NEURL4: variants seen among roughly 807,000 people sequenced by gnomAD.
NEURL4 encodes the protein neuralized E3 ubiquitin protein ligase 4.
NEURL4 carries 45 observed loss-of-function variants against 148.0 expected under a neutral mutation model. The ratio of observed to expected loss-of-function variants is 0.30; its 90% CI spans 0.24 to 0.39. The LOEUF (loss-of-function observed/expected upper bound fraction) is 0.39. Ranked by LOEUF, NEURL4 falls within the 10% of genes least tolerant of loss-of-function variation. The pLI, the probability that NEURL4 is intolerant of heterozygous loss-of-function variation, is 1.00. For missense variants in NEURL4, 1,776 were observed against 2,144.0 expected, an observed-to-expected ratio of 0.83 and a Z score of 3.39; for synonymous variants, 854 against 869.0, an observed-to-expected ratio of 0.98 and a Z score of 0.30.
rs752002143 is a variant in NEURL4, at chr17:7,327,572, A to T, written c.595T>A (p.Cys199Ser). The T allele has an allele frequency of 6.2e-7, 1 of 1,611,368 alleles. No individual in the cohort carries two copies. The highest frequency in any genetic ancestry group is 8.5e-7 in the Non-Finnish European group (1 of 1,179,694). ...GGGGGTAGCACGGTGATCTGGGTGC[A>T]CTTGCCATAAAGGTCCACGACGGCC... Reference protein sequence around the residue: ...VWAVVDLYGKCTQITVLPPEP... With the variant: ...VWAVVDLYGKSTQITVLPPEP... The change falls in exon 2 of 29, where the codon TGC becomes AGC. Residue 199 changes from cysteine (C) to serine (S), a missense_variant. Physicochemically the swap from Cys to Ser is moderately radical, Grantham distance 112. Transcript: ENST00000399464. This position sits in a 1 kb window ranked among gnomAD's most constrained non-coding sequence, Gnocchi z 6.6.
chr17:7,325,724 A>G lies in NEURL4; in HGVS notation c.1294-11T>C. 6.2e-7 allele frequency: 1 copy of G among 1,612,418 alleles called. No individual in the cohort carries two copies. The highest frequency in any genetic ancestry group is 8.5e-7 in the Non-Finnish European group (1 of 1,178,710). On this transcript the variant is annotated splice_polypyrimidine_tract_variant and intron_variant, in intron 6 of 28. Transcript: ENST00000399464. ...AATGTGGTCACCCTCCTAATCAAAG[A>G]AGACAAACAGTTTAGAGGAGTCCTG...
At position 7,324,800 on chromosome 17, in the gene NEURL4, A is replaced by T; in HGVS notation, c.1812T>A (p.Ser604=). 1 of 1,614,140 alleles carries T rather than the reference A, an allele frequency of 6.2e-7. No individual in the cohort carries two copies. Among genetic ancestry groups the T allele is most frequent in the African/African-American group, 1.3e-5 (1 of 75,046 alleles). ...TCCCTGCCCTTCCTGGGAGCTCACC[A>T]GAGCGCAAGTTGGTCATGGTGGAGG... ...QLPSTMTNLR[S]GTWMMTGNGV... The change falls in exon 9 of 29, where the codon TCT becomes TCA. Residue 604 remains serine (S), a splice_region_variant and synonymous_variant. Coordinates refer to ENST00000399464, the MANE Select transcript of NEURL4 (RefSeq NM_032442.3). The surrounding 1 kb of genome is among the most constrained non-coding windows in gnomAD (Gnocchi z 5.9).
rs577406842 is a variant in NEURL4 at position 7,316,028 on chromosome 17, A to G, written c.*95T>C. ...GGCTGCCAAGCTCCAGCACCTGCGC[A>G]TGCCACGAGTCACGGGAATGAGGTG... On this transcript the variant is annotated 3_prime_UTR_variant, in exon 29 of 29. Coordinates refer to ENST00000399464, the MANE Select transcript of NEURL4 (RefSeq NM_032442.3). 133 of 770,616 alleles carry G rather than the reference A, an allele frequency of 1.7e-4. No homozygotes were observed. The African/African-American group carries it at 1.9e-3, about 11-fold the overall frequency. 47.7% of individuals were successfully genotyped at this position (770,616 alleles called of 1,614,324 possible). A position where few individuals can be genotyped will look rare whatever the true frequency, so the allele number is the denominator to read the frequency against.
At position 7,324,505 on chromosome 17, in the gene NEURL4, G is replaced by T; in HGVS notation, c.1814-25C>A. The T allele has an allele frequency of 6.2e-7, 1 of 1,600,150 alleles. No homozygotes were observed. The highest frequency in any genetic ancestry group is 8.6e-7 in the Non-Finnish European group (1 of 1,167,328). On this transcript the variant is annotated intron_variant, in intron 9 of 28. Coordinates refer to ENST00000399464, the MANE Select transcript of NEURL4 (RefSeq NM_032442.3). The surrounding 1 kb of genome is among the most constrained non-coding windows in gnomAD (Gnocchi z 5.9). ...CCTGGGAGGACAAGGAGCAGGAGGG[G>T]ACATGAGGGGAAATGCAGGGCTCCT...
At position 7,318,926 on chromosome 17, in the gene NEURL4, C is replaced by A. The variant is rs1334859819; in HGVS notation, c.3684+124G>T. 4 of 1,144,810 alleles carry A rather than the reference C, an allele frequency of 3.5e-6. No homozygotes were observed. The Admixed American group carries it at 1.1e-4, about 31-fold the overall frequency. 70.9% of individuals were successfully genotyped at this position (1,144,810 alleles called of 1,614,324 possible). On this transcript the variant is annotated intron_variant, in intron 22 of 28. Transcript: ENST00000399464. This position sits in a 1 kb window ranked among gnomAD's most constrained non-coding sequence, Gnocchi z 4.3. ...GCAATGCTACTCGCCCTTGCCTGCC[C>A]ATTACTGTTCCCCTTTTACACCTGT... is the stretch of plus-strand genomic sequence containing the variant.
Position 7,318,212 on chromosome 17 carries a change from A to C in NEURL4, c.3953-40T>G, listed in dbSNP as rs1211454059. ...GGGCACAGGTCACAGGAGCTGGGCT[A>C]GAAGGGTGAGGGTGGGGGAGTAGGG... On this transcript the variant is annotated intron_variant, in intron 24 of 28. Coordinates refer to ENST00000399464, the MANE Select transcript of NEURL4 (RefSeq NM_032442.3). The surrounding 1 kb of genome is among the most constrained non-coding windows in gnomAD (Gnocchi z 4.3). 2 of 1,611,420 alleles carry C rather than the reference A, an allele frequency of 1.2e-6. No homozygotes were observed. Among genetic ancestry groups the C allele is most frequent in the East Asian group, 4.5e-5 (2 of 44,890 alleles).
chr17:7,323,398 A>C, intron 14 of NEURL4, 87 bp downstream of exon 14: 1 of 1,394,140 alleles, frequency 7.2e-7, no homozygotes, highest in East Asian at 2.3e-5. Flanking sequence ...GTCACTACCC[A>C]CAGCCACCAT....
rs1298991062 is a variant in NEURL4 at position 7,317,440 on chromosome 17, C to A, written c.4318+21G>T. ...AGCCCCCCAGGCTCAGCCCACCTTG[C>A]ATGGGCCTACTCGCCAGTACCTGCT... On this transcript the variant is annotated intron_variant, in intron 27 of 28. Coordinates refer to ENST00000399464, the MANE Select transcript of NEURL4 (RefSeq NM_032442.3). 3 of 1,613,258 alleles carry A rather than the reference C, an allele frequency of 1.9e-6. No homozygotes were observed. In the South Asian group the frequency reaches 3.3e-5, roughly 18 times the overall value.
At chr17:7,325,169 A>T in intron 8 of NEURL4, 40 bp downstream of exon 8, 2 of 592,574 alleles carry the variant, frequency 3.4e-6, no homozygotes, top group Non-Finnish European at 2.8e-6. Flanking sequence ...CCCCCATTAG[A>T]ATCCCTTCTT....
At position 7,319,114 on chromosome 17, in the gene NEURL4, G is replaced by A; in HGVS notation, c.3620C>T (p.Ala1207Val). The change falls in exon 22 of 29, where the codon GCC becomes GTC. Residue 1207 changes from alanine (A) to valine (V), a missense_variant. Coordinates refer to ENST00000399464, the MANE Select transcript of NEURL4 (RefSeq NM_032442.3). Reference sequence around the variant, plus strand: ...CCAGGCTGCCCGTTTGAGGGCACAGGCAGAAGCAGGGAAGTTGAGCCTCTC... The same window carrying A: ...CCAGGCTGCCCGTTTGAGGGCACAGACAGAAGCAGGGAAGTTGAGCCTCTC... ...APERLNFPAS[A>V]CALKRAAWLL... is the part of the protein sequence containing the mutation. 1.2e-6 allele frequency: 2 copies of A among 1,614,102 alleles called. No individual in the cohort carries two copies. Among genetic ancestry groups the A allele is most frequent in the Admixed American group, 3.3e-5 (2 of 60,020 alleles).
chr17:7,323,216 C>T, intron 14 of NEURL4, 93 bp from the exon 15 acceptor site: 1 of 1,374,140 alleles, frequency 7.3e-7, no homozygotes, highest in Non-Finnish European at 1.0e-6. Flanking sequence ...CCTCCAATGT[C>T]TTGGGCTGGT....
chr17:7,317,304 C>A lies in NEURL4; in HGVS notation c.4385G>T (p.Gly1462Val), dbSNP rs2072961999. Residue 1462 changes from glycine (G) to valine (V), a missense_variant, in exon 28 of 29, where the codon GGC becomes GTC. Gly to Val is a moderately radical substitution (Grantham distance 109, BLOSUM62 -3). Transcript: ENST00000399464. Reference sequence around the variant, plus strand: ...CTCCCGAGGAGGTGCACAGTTCTCGCCAGGCTCCTCGAACCCTACCCCAGG... The same window carrying A: ...CTCCCGAGGAGGTGCACAGTTCTCGACAGGCTCCTCGAACCCTACCCCAGG... ...GEPGVGFEEP[G>V]ENCAPPREEQ... 1 of 1,535,166 alleles carries A rather than the reference C, an allele frequency of 6.5e-7. No individual in the cohort carries two copies. The highest frequency in any genetic ancestry group is 1.3e-5 in the South Asian group (1 of 78,316).
In NEURL4 at chr17:7,326,381, T is replaced by G. The variant is rs778491256; in HGVS notation, c.1205-38A>C. On this transcript the variant is annotated intron_variant, in intron 5 of 28. Transcript: ENST00000399464. The surrounding 1 kb of genome is among the most constrained non-coding windows in gnomAD (Gnocchi z 6.0). ...GGACACTTGGGTTCGGGTACGGGGC[T>G]TCCTTCCCCTCAGCAACACCAGGCC... 6.2e-7 allele frequency: 1 copy of G among 1,613,634 alleles called. No homozygotes were observed. The highest frequency in any genetic ancestry group is 8.5e-7 in the Non-Finnish European group (1 of 1,179,580).
At position 7,323,991 on chromosome 17, in the gene NEURL4, G is replaced by T; in HGVS notation, c.2084C>A (p.Pro695Gln). 2 of 1,610,622 alleles carry T rather than the reference G, an allele frequency of 1.2e-6. No individual in the cohort carries two copies. Among genetic ancestry groups the T allele is most frequent in the Non-Finnish European group, 8.5e-7 (1 of 1,180,006 alleles). The change falls in exon 12 of 29, where the codon CCA becomes CAA. Residue 695 changes from proline (P) to glutamine (Q), a missense_variant. Coordinates refer to ENST00000399464, the MANE Select transcript of NEURL4 (RefSeq NM_032442.3). ...DDVEVAPVPEPLPEGNNQVSP... is the reference protein window; with the variant it reads ...DDVEVAPVPEQLPEGNNQVSP... ...CACCTGGTTGTTCCCCTCAGGGAGT[G>T]GTTCAGGAACTGGAGCCACCTCTGT... is the stretch of plus-strand genomic sequence containing the variant.
At position 7,323,271 on chromosome 17, in the gene NEURL4, G is replaced by A. The variant is rs981573953; in HGVS notation, c.2418-148C>T. The A allele has an allele frequency of 3.6e-5, 36 of 997,760 alleles. No individual in the cohort carries two copies. The African/African-American group carries it at 3.9e-4, about 11-fold the overall frequency. The allele number at this position is 997,760 out of a possible 1,614,324, so 61.8% of individuals were successfully genotyped here. On this transcript the variant is annotated intron_variant, in intron 14 of 28. Coordinates refer to ENST00000399464, the MANE Select transcript of NEURL4 (RefSeq NM_032442.3). ...GCCCAATCCTATCTCCTCTGTCCCT[G>A]GGATCCCCTTAGGAAAAAGCAAGAA...
At position 7,326,026 on chromosome 17, in the gene NEURL4, C is replaced by T. The variant is rs957068462; in HGVS notation, c.1293+229G>A. The stretch of plus-strand genomic sequence containing the variant: ...ATCAAAGAGGATAAGCTTCTTGCCC[C>T]GGTTCGCTACTACAAATGGGAAAAC... On this transcript the variant is annotated intron_variant, in intron 6 of 28. Transcript: ENST00000399464. This position sits in a 1 kb window ranked among gnomAD's most constrained non-coding sequence, Gnocchi z 6.0. Among the ~76,000 whole-genome samples, 11 of 152,156 alleles carry T rather than the reference C, an allele frequency of 7.2e-5. No individual in the cohort carries two copies. Among genetic ancestry groups the T allele is most frequent in the African/African-American group, 1.2e-4 (5 of 41,428 alleles).
chr17:7,322,956 G>C lies in NEURL4; in HGVS notation c.2585C>G (p.Pro862Arg), dbSNP rs368617813. The C allele has an allele frequency of 5.6e-6, 9 of 1,613,402 alleles. No homozygotes were observed. The Admixed American group carries it at 1.5e-4, about 27-fold the overall frequency. ...DQGAACSGLP[P>R]GKEVYAVVDL... is the part of the protein sequence containing the mutation. ...GAAAGCCACATAGTCACCTTTACCC[G>C]GAGGCAGGCCCGAGCAGGCAGCGCC... Residue 862 changes from proline (P) to arginine (R), a missense_variant, in exon 15 of 29, where the codon CCG becomes CGG. Physicochemically the swap from Pro to Arg is moderately radical, Grantham distance 103. Coordinates refer to ENST00000399464, the MANE Select transcript of NEURL4 (RefSeq NM_032442.3). This position sits in a 1 kb window ranked among gnomAD's most constrained non-coding sequence, Gnocchi z 5.5.
In NEURL4 at chr17:7,324,099, G is replaced by A. The variant is rs769326342; in HGVS notation, c.2062+9C>T. On this transcript the variant is annotated intron_variant, in intron 11 of 28. Coordinates refer to ENST00000399464, the MANE Select transcript of NEURL4 (RefSeq NM_032442.3). This position sits in a 1 kb window ranked among gnomAD's most constrained non-coding sequence, Gnocchi z 5.9. ...CTAACCCCCAGCCCCAGCCCAGCCC[G>A]GCCCTCACCCACGTCGTCCACAATG... The A allele has an allele frequency of 6.8e-6, 11 of 1,611,822 alleles. No individual in the cohort carries two copies. Among genetic ancestry groups the A allele is most frequent in the African/African-American group, 1.3e-5 (1 of 74,910 alleles).
chr17:7,324,703 G>A lies in NEURL4; in HGVS notation c.1813+96C>T. 3 of 1,373,476 alleles carry A rather than the reference G, an allele frequency of 2.2e-6. No individual in the cohort carries two copies. Among genetic ancestry groups the A allele is most frequent in the South Asian group, 1.3e-5 (1 of 79,604 alleles). The allele number at this position is 1,373,476 out of a possible 1,614,324, so 85.1% of individuals were successfully genotyped here. Reference sequence around the variant, plus strand: ...CCACTGAATGAGTGGTCACAAGAGTGACAAGTGAAAAAGGAGCTGCAGAAC... The same window carrying A: ...CCACTGAATGAGTGGTCACAAGAGTAACAAGTGAAAAAGGAGCTGCAGAAC... On this transcript the variant is annotated intron_variant, in intron 9 of 28. Coordinates refer to ENST00000399464, the MANE Select transcript of NEURL4 (RefSeq NM_032442.3). This position sits in a 1 kb window ranked among gnomAD's most constrained non-coding sequence, Gnocchi z 5.9.
Sources: allele counts gnomAD v4.1 joint callset (sites outside exome capture counted in the v4.1 genomes callset), GRCh38; gene constraint gnomAD v4.1.1; non-coding constraint Gnocchi (gnomAD v3.1); transcripts MANE v1.5; gene names NCBI Gene and HGNC (gene_info 2026-07-23, HGNC 2026-07-21).